The following KLF7 variants were observed in gnomAD, a reference collection of about 807,000 sequenced individuals.
KLF7 encodes the protein Krueppel-like factor 7.
In KLF7, 2 loss-of-function variants were observed where a neutral mutation model predicts 27.3. The observed-to-expected ratio is 0.07, with a 90% CI of 0.03 to 0.23. The LOEUF is 0.23. Among genes scored for constraint, KLF7 ranks in the 10% least tolerant of loss-of-function variants. The pLI is 1.00. For missense variants in KLF7, 221 were observed against 394.1 expected, an observed-to-expected ratio of 0.56 and a Z score of 3.72; for synonymous variants, 165 against 162.4, an observed-to-expected ratio of 1.02 and a Z score of -0.12.
intron 1 of KLF7, among the ~76,000 whole-genome samples, chr2:207,130,279 T>C (rs1448359679): frequency 2.6e-5 from 4 of 152,152 alleles, no homozygotes; most frequent in Admixed American, 2.6e-4. Context: ...GAGCCCAACC[T>C]AGAAAAAGAT....
rs553873460 is a variant in KLF7, at chr2:207,095,126, C to T, written c.734-6545G>A. Among the ~76,000 whole-genome samples, 386 of 149,812 alleles carry T rather than the reference C, an allele frequency of 2.6e-3. 8 individuals are homozygous for T. The South Asian group carries it at 0.028, about 11-fold the overall frequency. ...CGCGATCTCGGCTCACTGCAAGCTCCGCCTCCTGGGTTCACGCCATTCTCC... is the reference window on the plus strand; with the variant it reads ...CGCGATCTCGGCTCACTGCAAGCTCTGCCTCCTGGGTTCACGCCATTCTCC... On this transcript the variant is annotated intron_variant, in intron 2 of 3. Coordinates refer to ENST00000309446, the MANE Select transcript of KLF7 (RefSeq NM_003709.4).
chr2:207,136,802 G>A (rs767691591), intron 1 of KLF7, among the ~76,000 whole-genome samples: 4 of 152,178 alleles, frequency 2.6e-5, no homozygotes, highest in Non-Finnish European at 5.9e-5. Context: ...CAGGGAACAC[G>A]TGAGCTGGTG....
At chr2:207,159,334 G>C (rs1255807912) in intron 1 of KLF7, among the ~76,000 whole-genome samples, 4 of 152,154 alleles carry the variant, frequency 2.6e-5, no homozygotes, top group African/African-American at 9.7e-5. Context: ...ACAGAACTTA[G>C]TAAATCTCAA....
intron 2 of KLF7, among the ~76,000 whole-genome samples, chr2:207,108,336 C>T (rs17282398): frequency 0.05 from 7,586 of 152,240 alleles, 269 homozygotes; most frequent in Middle Eastern, 0.092. Flanking sequence ...GGGTTGGGGG[C>T]CCCGCCAATT....
rs149456919 is a variant in KLF7, at chr2:207,118,919, T to C, written c.733+4855A>G. Reference sequence around the variant, plus strand: ...GTAGTATTTTTAGCCACCTTTTCATTTGAAAATAAACTATTTCCCTAAATT... The same window carrying C: ...GTAGTATTTTTAGCCACCTTTTCATCTGAAAATAAACTATTTCCCTAAATT... On this transcript the variant is annotated intron_variant, in intron 2 of 3. Coordinates refer to ENST00000309446, the MANE Select transcript of KLF7 (RefSeq NM_003709.4). Among the ~76,000 whole-genome samples, 169 of 152,364 alleles carry C rather than the reference T, an allele frequency of 1.1e-3. 1 individual carries two copies. Among genetic ancestry groups the C allele is most frequent in the African/African-American group, 3.8e-3 (156 of 41,578 alleles).
chr2:207,088,402 T>C, intron 3 of KLF7, 56 bp downstream of exon 3: 1 of 1,583,462 alleles, frequency 6.3e-7, no homozygotes, highest in East Asian at 2.2e-5. Context: ...CTGCTCACCC[T>C]CCAACCCACT....
intron 2 of KLF7, chr2:207,122,070 C>T (rs1275539128): frequency 6.6e-6 from 1 of 152,160 alleles, no homozygotes; most frequent in Non-Finnish European, 1.5e-5. Context: ...CAATGTCTTT[C>T]CAATGTCTTG....
chr2:207,145,068 C>T (rs2078060912), intron 1 of KLF7, among the ~76,000 whole-genome samples: 2 of 152,200 alleles, frequency 1.3e-5, no homozygotes, highest in Admixed American at 6.5e-5. Flanking sequence ...TGGGGCAGAA[C>T]TTAAGGAATG....
In KLF7 at chr2:207,076,587, CGTCGTGGGAG is replaced by C. The variant is rs1332185485; in HGVS notation, c.*4616_*4625del. Reference sequence around the variant, plus strand: ...AAAAACCCTGAAGCCTCAGGCAGTTCGTCGTGGGAGGTCACGTTATTTACAAGAAGTTTCT... The same window carrying C: ...AAAAACCCTGAAGCCTCAGGCAGTTCGTCACGTTATTTACAAGAAGTTTCT... On this transcript the variant is annotated 3_prime_UTR_variant, in exon 4 of 4. Coordinates refer to ENST00000309446, the MANE Select transcript of KLF7 (RefSeq NM_003709.4). The C allele has an allele frequency of 6.6e-6, 1 of 152,136 alleles. No individual in the cohort carries two copies. The highest frequency in any genetic ancestry group is 1.5e-5 in the Non-Finnish European group (1 of 68,018). 9.4% of individuals were successfully genotyped at this position (152,136 alleles called of 1,614,324 possible).
intron 3 of KLF7, among the ~76,000 whole-genome samples, chr2:207,084,380 T>C (rs1232520108): frequency 6.6e-6 from 1 of 152,172 alleles, no homozygotes; most frequent in Non-Finnish European, 1.5e-5. Flanking sequence ...CCTTTACCAA[T>C]TACTGGGTAT....
Position 207,105,128 on chromosome 2 carries a change from G to A in KLF7, c.734-16547C>T, listed in dbSNP as rs148884941. ...ATTCCGTCACCTTCTCAAAAAAATC[G>A]GTGTCACTTAACAAGTTCTACATAA... On this transcript the variant is annotated intron_variant, in intron 2 of 3. Coordinates refer to ENST00000309446, the MANE Select transcript of KLF7 (RefSeq NM_003709.4). Among the ~76,000 whole-genome samples the A allele has an allele frequency of 3.0e-3, 453 of 152,164 alleles. 1 individual carries two copies. Among genetic ancestry groups the A allele is most frequent in the African/African-American group, 0.01 (426 of 41,500 alleles).
rs1428109707 is a variant in KLF7, at chr2:207,075,673, C to A, written c.*5540G>T. 7.7e-6 allele frequency: 1 copy of A among 130,094 alleles called. No homozygotes were observed. Among genetic ancestry groups the A allele is most frequent in the East Asian group, 2.5e-4 (1 of 3,988 alleles). 8.1% of individuals were successfully genotyped at this position (130,094 alleles called of 1,614,324 possible). A position where few individuals can be genotyped will look rare whatever the true frequency, so the allele number is the denominator to read the frequency against. ...AGGAAGTGGGAGAAGGAGCTTGACG[C>A]GGGGGCGGGTGGGGGCTTGTGGAAA... is the stretch of plus-strand genomic sequence containing the variant. On this transcript the variant is annotated 3_prime_UTR_variant, in exon 4 of 4. Transcript: ENST00000309446.
chr2:207,141,070 A>G (rs2077927013), intron 1 of KLF7, among the ~76,000 whole-genome samples: 1 of 152,194 alleles, frequency 6.6e-6, no homozygotes, highest in Non-Finnish European at 1.5e-5. Context: ...CAAAAGTATT[A>G]GTATATATAT....
Position 207,155,619 on chromosome 2 carries a change from G to T in KLF7, c.102+9848C>A, listed in dbSNP as rs184889165. On this transcript the variant is annotated intron_variant, in intron 1 of 3. Transcript: ENST00000309446. ...ATCTCTTGATCCGTATTAAAGAAAA[G>T]CAAGAACCTTGAGAAGGGGAGGAGA... Among the ~76,000 whole-genome samples, 169 of 152,292 alleles carry T rather than the reference G, an allele frequency of 1.1e-3. 1 individual carries two copies. Among genetic ancestry groups the T allele is most frequent in the African/African-American group, 3.8e-3 (157 of 41,556 alleles).
intron 2 of KLF7, among the ~76,000 whole-genome samples, chr2:207,089,021 T>G (rs2105872868): frequency 6.6e-6 from 1 of 152,336 alleles, no homozygotes; most frequent in Middle Eastern, 3.4e-3. Flanking sequence ...CATTTCAGGC[T>G]TTTTAGTCTT....
intron 1 of KLF7, among the ~76,000 whole-genome samples, chr2:207,161,110 C>T (rs933716955): frequency 6.6e-6 from 1 of 152,188 alleles, no homozygotes; most frequent in African/African-American, 2.4e-5. Flanking sequence ...TTTGAAGCCC[C>T]TAAATCTACA....
upstream of KLF7, among the ~76,000 whole-genome samples, chr2:207,167,819 T>C (rs1161343293): frequency 6.6e-6 from 1 of 152,226 alleles, no homozygotes; most frequent in Admixed American, 6.5e-5. Context: ...CTAGTTGTTA[T>C]GAAGAGTCAA....
chr2:207,167,637 A>T (rs1446286377), upstream of KLF7, among the ~76,000 whole-genome samples: 3 of 152,240 alleles, frequency 2.0e-5, no homozygotes, highest in Non-Finnish European at 4.4e-5. Flanking sequence ...GATTCATAGC[A>T]TTCATTGTAT....
At position 207,106,563 on chromosome 2, in the gene KLF7, G is replaced by GA. The variant is rs556342662; in HGVS notation, c.733+17210dup. Among the ~76,000 whole-genome samples, 69 of 151,936 alleles carry GA rather than the reference G, an allele frequency of 4.5e-4. 1 individual carries two copies. The East Asian group carries it at 0.012, about 27-fold the overall frequency. On this transcript the variant is annotated intron_variant, in intron 2 of 3. Coordinates refer to ENST00000309446, the MANE Select transcript of KLF7 (RefSeq NM_003709.4). ...CATCGTCTGGTATTTATGCATCTAC[G>GA]AAAAAAAATGGTCAATCAAGTATCC...
Sources: allele counts gnomAD v4.1 joint callset (sites outside exome capture counted in the v4.1 genomes callset), GRCh38; gene constraint gnomAD v4.1.1; transcripts MANE v1.5; gene names NCBI Gene and HGNC (gene_info 2026-07-23, HGNC 2026-07-21).